Variants in CCDC187 observed in about 807,000 individuals in gnomAD.
CCDC187 encodes the protein coiled-coil domain-containing protein 187.
CCDC187 carries 32 observed loss-of-function variants against 38.0 expected under a neutral mutation model. The observed-to-expected ratio is 0.84, with a 90% CI of 0.64 to 1.13. The LOEUF is 1.13. Among genes scored for constraint, CCDC187 ranks in the 50% most tolerant of loss-of-function variants. The pLI is 0.00. For missense variants in CCDC187, 707 were observed against 786.8 expected (o/e 0.90, Z 1.21); for synonymous variants, 333 against 347.9 (o/e 0.96, Z 0.48).
rs140061616 is a variant in CCDC187, at chr9:136,254,022, C to T, written c.5806G>A (p.Glu1936Lys). Reference sequence around the variant, plus strand: ...GGAGCCTGCAGGGTCACCGGGGTCTCGGGCTCTGGCATGAGGTACGGGAGT... The same window carrying T: ...GGAGCCTGCAGGGTCACCGGGGTCTTGGGCTCTGGCATGAGGTACGGGAGT... Reference protein sequence around the residue: ...SKLPYLMPEPETPVTLQAPPG... With the variant: ...SKLPYLMPEPKTPVTLQAPPG... Residue 1936 changes from glutamate (E) to lysine (K), a missense_variant, in exon 26 of 26, where the codon GAG becomes AAG. By Grantham distance (56) the Glu-to-Lys change is moderately conservative. Coordinates refer to ENST00000638797, the MANE Select transcript of CCDC187 (RefSeq NM_001378188.1). The T allele has an allele frequency of 6.2e-5, 61 of 984,960 alleles. No individual in the cohort carries two copies. Among genetic ancestry groups the T allele is most frequent in the Middle Eastern group, 5.2e-4 (1 of 1,914 alleles). 61.0% of individuals were successfully genotyped at this position (984,960 alleles called of 1,614,324 possible). A position where few individuals can be genotyped will look rare whatever the true frequency, so the allele number is the denominator to read the frequency against.
intron 9 of CCDC187, among the ~76,000 whole-genome samples, chr9:136,284,835 CG>C (rs1411068761): frequency 2.6e-5 from 4 of 152,106 alleles, no homozygotes; most frequent in African/African-American, 9.7e-5. Flanking sequence ...AGGGAGCGGC[CG>C]CCTCGTGCAC....
At chr9:136,290,344 G>A (rs1250547315) in intron 6 of CCDC187, 142 bp downstream of exon 6, 18 of 397,604 alleles carry the variant, frequency 4.5e-5, no homozygotes, top group Non-Finnish European at 5.3e-5. Flanking sequence ...TGGCAGCGAC[G>A]CCACGAAGTC....
chr9:136,266,148 G>T, intron 16 of CCDC187, 105 bp from the exon 17 acceptor site: 1 of 589,278 alleles, frequency 1.7e-6, no homozygotes, highest in Non-Finnish European at 2.1e-6. Context: ...AACCTGGAAT[G>T]CCCTCCCAAG....
intron 8 of CCDC187, 49 bp from the exon 9 acceptor site, chr9:136,285,655 G>A (rs1028571782): frequency 7.8e-5 from 31 of 399,418 alleles, no homozygotes; most frequent in African/African-American, 4.1e-4. Context: ...CCGGGAGCAC[G>A]GGACGGGGGA....
rs1282980988 is a variant in CCDC187, at chr9:136,286,281, C to T, written c.2637G>A (p.Thr879=). The T allele has an allele frequency of 3.0e-5, 12 of 398,424 alleles. No homozygotes were observed. The Admixed American group carries it at 4.0e-4, about 13-fold the overall frequency. The allele number at this position is 398,424 out of a possible 1,614,324, so 24.7% of individuals were successfully genotyped here. ...LPAAPTLATP[T]LATPACPGAL... ...CTCCAGGGCAGGCTGGGGTGGCAAGCGTGGGGGTGGCGAGCGTGGGGGCGG... is the reference window on the plus strand; with the variant it reads ...CTCCAGGGCAGGCTGGGGTGGCAAGTGTGGGGGTGGCGAGCGTGGGGGCGG... The change falls in exon 8 of 26, where the codon ACG becomes ACA. Residue 879 remains threonine (T), a synonymous_variant. Coordinates refer to ENST00000638797, the MANE Select transcript of CCDC187 (RefSeq NM_001378188.1).
chr9:136,301,694 C>G (rs1831688773), intron 2 of CCDC187, among the ~76,000 whole-genome samples: 1 of 148,294 alleles, frequency 6.7e-6, no homozygotes, highest in African/African-American at 2.5e-5. Flanking sequence ...TCACGCCATT[C>G]TCCTGCCTCA....
At chr9:136,260,988 T>C (rs2131135745) in intron 19 of CCDC187, among the ~76,000 whole-genome samples, 2 of 152,296 alleles carry the variant, frequency 1.3e-5, no homozygotes, top group Non-Finnish European at 2.9e-5. Flanking sequence ...ACCAAGGCAC[T>C]GTGCTCTTAG....
Position 136,287,987 on chromosome 9 carries a change from T to C in CCDC187, c.2223-1292A>G, listed in dbSNP as rs1831221446. ...CTGGGATTACAGGTGGGAGCCACCA[T>C]GCCCAGCTATAATTTTTTAGGTGGG... On this transcript the variant is annotated intron_variant, in intron 7 of 25. Transcript: ENST00000638797. 6.6e-5 allele frequency among the ~76,000 whole-genome samples: 10 copies of C among 152,224 alleles called. No individual in the cohort carries two copies. In the South Asian group the frequency reaches 2.1e-3, roughly 32 times the overall value.
At chr9:136,271,350 T>C (rs370660272) in intron 14 of CCDC187, among the ~76,000 whole-genome samples, 20 of 151,984 alleles carry the variant, frequency 1.3e-4, no homozygotes, top group African/African-American at 4.8e-4. Flanking sequence ...GGTGAAATCC[T>C]GTCTCTACAA....
intron 9 of CCDC187, among the ~76,000 whole-genome samples, chr9:136,283,907 T>C (rs978076693): frequency 1.1e-4 from 16 of 152,190 alleles, no homozygotes; most frequent in African/African-American, 3.1e-4. Flanking sequence ...TGCTGCCCTC[T>C]TCTGGTCACA....
At chr9:136,293,323 A>G (rs1330998224) in intron 4 of CCDC187, among the ~76,000 whole-genome samples, 7 of 148,536 alleles carry the variant, frequency 4.7e-5, no homozygotes, top group African/African-American at 1.3e-4. Context: ...ACTCACACTC[A>G]CATGCTTACA....
At chr9:136,276,482 C>T (rs917486962) in intron 11 of CCDC187, among the ~76,000 whole-genome samples, 169 bp downstream of exon 11, 16,345 of 152,118 alleles carry the variant, frequency 0.11, 1,194 homozygotes, top group Admixed American at 0.19. Context: ...CGCCCTCTGT[C>T]TGTTCCTCCC....
chr9:136,259,073 A>C, intron 21 of CCDC187, 72 bp from the exon 22 acceptor site: 1 of 975,050 alleles, frequency 1.0e-6, no homozygotes, highest in Non-Finnish European at 1.2e-6. Context: ...GGGATAGACC[A>C]GGATGGATGG....
intron 6 of CCDC187, 119 bp downstream of exon 6, chr9:136,290,367 C>G (rs891822840): frequency 4.3e-5 from 17 of 397,668 alleles, no homozygotes; most frequent in Non-Finnish European, 6.6e-5. Flanking sequence ...CAGCCCCCAG[C>G]TGCAGCCCTC....
intron 19 of CCDC187, among the ~76,000 whole-genome samples, chr9:136,260,657 C>T (rs189300724): frequency 2.6e-4 from 39 of 152,214 alleles, no homozygotes; most frequent in African/African-American, 9.1e-4. Flanking sequence ...GGTGCCTGCC[C>T]GGCGACACGT....
chr9:136,255,748 G>T lies in CCDC187; in HGVS notation c.4617-15C>A. 3 of 984,406 alleles carry T rather than the reference G, an allele frequency of 3.0e-6. No homozygotes were observed. Among genetic ancestry groups the T allele is most frequent in the Non-Finnish European group, 2.4e-6 (2 of 829,052 alleles). The allele number at this position is 984,406 out of a possible 1,614,324, so 61.0% of individuals were successfully genotyped here. On this transcript the variant is annotated splice_polypyrimidine_tract_variant and intron_variant, in intron 24 of 25. Transcript: ENST00000638797. ...AGGCCTCCGTCCTGCAAGCACATTC[G>T]TGGAGAACCCTGTGGGGATCCTGGT...
intron 9 of CCDC187, among the ~76,000 whole-genome samples, chr9:136,284,132 G>T (rs1481615997): frequency 6.6e-6 from 1 of 152,126 alleles, no homozygotes; most frequent in African/African-American, 2.4e-5. Flanking sequence ...GAGGGGAGGG[G>T]AGGGGCAGGG....
rs1259557885 is a variant in CCDC187, at chr9:136,286,101, G to T, written c.2817C>A (p.Cys939Ter). Reference sequence around the variant, plus strand: ...CCGGCCTACCTCGGGGCTTGCTCTCGCAGTGGGCCCTCGGGCTCACACTCT... The same window carrying T: ...CCGGCCTACCTCGGGGCTTGCTCTCTCAGTGGGCCCTCGGGCTCACACTCT... ...QQQSVSPRAH[C>*]ESKPRGFPEE... is the part of the protein sequence containing the mutation. Residue 939 changes from cysteine (C) to a stop codon, truncating the protein, a stop_gained, in exon 8 of 26, where the codon TGC (cysteine) becomes TGA (stop). Transcript: ENST00000638797. LOFTEE classifies it high-confidence loss of function. The T allele has an allele frequency of 5.0e-6, 2 of 398,400 alleles. No individual in the cohort carries two copies. Among genetic ancestry groups the T allele is most frequent in the African/African-American group, 2.1e-5 (1 of 48,636 alleles). 24.7% of individuals were successfully genotyped at this position (398,400 alleles called of 1,614,324 possible). A position where few individuals can be genotyped will look rare whatever the true frequency, so the allele number is the denominator to read the frequency against.
chr9:136,289,481 T>C (rs1467091869), intron 7 of CCDC187, among the ~76,000 whole-genome samples: 1 of 133,402 alleles, frequency 7.5e-6, no homozygotes, highest in Admixed American at 8.7e-5. Flanking sequence ...ATCGTGCCAT[T>C]GCGCTCCAGC....
Sources: allele counts gnomAD v4.1 joint callset (sites outside exome capture counted in the v4.1 genomes callset), GRCh38; gene constraint gnomAD v4.1.1; transcripts MANE v1.5; gene names NCBI Gene and HGNC (gene_info 2026-07-23, HGNC 2026-07-21).